APBB2: variants seen among roughly 807,000 people sequenced by gnomAD.
APBB2 encodes amyloid beta precursor protein binding family B member 2.
A neutral mutation model predicts 82.5 loss-of-function variants in APBB2; 38 were observed. The ratio of observed to expected loss-of-function variants is 0.46; its 90% CI spans 0.36 to 0.60. APBB2 has a LOEUF of 0.60. APBB2 is among the 20% of genes least tolerant of loss of function. The probability of loss-of-function intolerance (pLI) is 0.00; values close to 1 mark genes in which losing one functional copy is unlikely to be tolerated. For missense variants in APBB2, 772 were observed against 972.3 expected (o/e 0.79, Z 2.74); for synonymous variants, 341 against 368.2 (o/e 0.93, Z 0.85).
chr4:41,057,730 G>A (rs1052074538), intron 4 of APBB2, among the ~76,000 whole-genome samples: 2 of 152,132 alleles, frequency 1.3e-5, no homozygotes, highest in African/African-American at 4.8e-5. Context: ...CAAGAACCTG[G>A]AAAAATAAGT....
chr4:40,975,704 T>C (rs1259602077), intron 6 of APBB2, among the ~76,000 whole-genome samples: 1 of 149,778 alleles, frequency 6.7e-6, no homozygotes, highest in African/African-American at 2.5e-5. Flanking sequence ...TTCCCTACAG[T>C]GCACACAAAC....
chr4:41,021,354 G>A (rs1413021712), intron 5 of APBB2, among the ~76,000 whole-genome samples: 1 of 152,336 alleles, frequency 6.6e-6, no homozygotes, highest in East Asian at 1.9e-4. Context: ...GGGATTGAGA[G>A]GTGAAGTCAG....
intron 6 of APBB2, among the ~76,000 whole-genome samples, chr4:40,948,279 T>C (rs1442673442): frequency 6.6e-6 from 1 of 152,216 alleles, no homozygotes; most frequent in Non-Finnish European, 1.5e-5. Flanking sequence ...TGCTTTGTTC[T>C]TCTACATAGA....
chr4:40,926,993 C>T (rs761569303), intron 10 of APBB2, among the ~76,000 whole-genome samples: 1 of 152,220 alleles, frequency 6.6e-6, no homozygotes, highest in Non-Finnish European at 1.5e-5. Context: ...GTTCATGGCG[C>T]TCTCTCTTTC....
chr4:41,160,272 T>C lies in APBB2; in HGVS notation c.-416-17130A>G, dbSNP rs188890378. Among the ~76,000 whole-genome samples, 475 of 152,234 alleles carry C rather than the reference T, an allele frequency of 3.1e-3. 10 individuals carry two copies. The highest frequency in any genetic ancestry group is 0.011 in the African/African-American group (461 of 41,530). ...TTGGAAAGGAAATGACGGAAGCCCA[T>C]AGCTTATGAAGTGATTAGTCAGAGT... On this transcript the variant is annotated intron_variant, in intron 1 of 17. Transcript: ENST00000508593.
chr4:40,898,987 G>T (rs1774505656), intron 10 of APBB2, among the ~76,000 whole-genome samples: 1 of 152,006 alleles, frequency 6.6e-6, no homozygotes, highest in Admixed American at 6.6e-5. Context: ...TTGTGATCTG[G>T]GAGCCACACC....
chr4:40,893,486 C>T (rs1179748218), intron 10 of APBB2, 75 bp from the exon 11 acceptor site: 6 of 1,404,074 alleles, frequency 4.3e-6, no homozygotes, highest in Middle Eastern at 1.9e-4. Context: ...TACTCCCCTC[C>T]CGCAACTAAA....
chr4:40,831,337 G>A (rs540174739), intron 12 of APBB2, among the ~76,000 whole-genome samples: 1 of 152,238 alleles, frequency 6.6e-6, no homozygotes, highest in Non-Finnish European at 1.5e-5. Flanking sequence ...AGGAGGCAGA[G>A]GTTACAGTGA....
intron 4 of APBB2, among the ~76,000 whole-genome samples, chr4:41,064,313 G>A (rs1730935725): frequency 6.6e-6 from 1 of 152,102 alleles, no homozygotes; most frequent in Non-Finnish European, 1.5e-5. Context: ...AGCCACTGCT[G>A]GGATTACAGG....
At chr4:41,051,059 C>T (rs1159780115) in intron 4 of APBB2, among the ~76,000 whole-genome samples, 1 of 150,772 alleles carries the variant, frequency 6.6e-6, no homozygotes, top group Middle Eastern at 3.2e-3. Context: ...CTACAGTCTC[C>T]TGCTTTCCTC....
At chr4:41,002,989 T>C (rs1805659213) in intron 6 of APBB2, among the ~76,000 whole-genome samples, 1 of 152,246 alleles carries the variant, frequency 6.6e-6, no homozygotes, top group Non-Finnish European at 1.5e-5. Context: ...CTTGTCTGTC[T>C]GTTTCTAAGC....
At chr4:40,999,275 T>C (rs1251056978) in intron 6 of APBB2, among the ~76,000 whole-genome samples, 1 of 152,026 alleles carries the variant, frequency 6.6e-6, no homozygotes, top group East Asian at 1.9e-4. Flanking sequence ...ACCCTGTCTC[T>C]ACAAATTAAA....
chr4:41,200,285 T>C (rs1776379797), intron 1 of APBB2, among the ~76,000 whole-genome samples: 1 of 152,258 alleles, frequency 6.6e-6, no homozygotes, highest in Non-Finnish European at 1.5e-5. Flanking sequence ...AGCTTTCTTG[T>C]ATTCTATTAC....
intron 1 of APBB2, among the ~76,000 whole-genome samples, chr4:41,164,318 G>A (rs1765938407): frequency 6.6e-6 from 1 of 152,192 alleles, no homozygotes; most frequent in African/African-American, 2.4e-5. Context: ...ATTTTCACAT[G>A]AGGGGTACTC....
chr4:40,918,318 T>C (rs760935950), intron 10 of APBB2, among the ~76,000 whole-genome samples: 1 of 152,222 alleles, frequency 6.6e-6, no homozygotes, highest in Non-Finnish European at 1.5e-5. Flanking sequence ...TCCATAGGAA[T>C]GTGAAGGTGT....
chr4:40,920,573 A>G (rs1781005147), intron 10 of APBB2, among the ~76,000 whole-genome samples: 1 of 152,340 alleles, frequency 6.6e-6, no homozygotes, highest in African/African-American at 2.4e-5. Context: ...CAGGCTTTAA[A>G]GGGCAGGGCA....
At position 41,103,576 on chromosome 4, in the gene APBB2, T is replaced by C. The variant is rs532928574; in HGVS notation, c.-260-2826A>G. On this transcript the variant is annotated intron_variant, in intron 2 of 17. Transcript: ENST00000508593. ...ATGTTCTTAAGCAGTATTGAGAAAG[T>C]AGACTATAATGTAATATACTCATCT... 2.6e-5 allele frequency among the ~76,000 whole-genome samples: 4 copies of C among 152,112 alleles called. No individual in the cohort carries two copies. In the East Asian group the frequency reaches 5.8e-4, roughly 22 times the overall value.
chr4:40,941,514 T>C (rs1408755808), intron 7 of APBB2, among the ~76,000 whole-genome samples: 2 of 152,236 alleles, frequency 1.3e-5, no homozygotes, highest in Non-Finnish European at 2.9e-5. Context: ...GACTCTACCA[T>C]GTATTAGCTG....
At chr4:41,188,229 G>A (rs913354277) in intron 1 of APBB2, among the ~76,000 whole-genome samples, 2 of 152,184 alleles carry the variant, frequency 1.3e-5, no homozygotes, top group Admixed American at 6.5e-5. Context: ...GACATCTGGG[G>A]ACTGAAAAAG....
Sources: allele counts gnomAD v4.1 joint callset (sites outside exome capture counted in the v4.1 genomes callset), GRCh38; gene constraint gnomAD v4.1.1; transcripts MANE v1.5; gene names NCBI Gene and HGNC (gene_info 2026-07-23, HGNC 2026-07-21).